Variants in OTOGL observed in about 807,000 individuals in gnomAD.
OTOGL encodes the protein otogelin-like protein.
A neutral mutation model predicts 318.5 loss-of-function variants in OTOGL; 285 were observed. The ratio of observed to expected loss-of-function variants is 0.89; its 90% CI spans 0.81 to 0.99. The LOEUF is 0.99. OTOGL is among the 50% of genes least tolerant of loss of function. The pLI, the probability that OTOGL is intolerant of heterozygous loss-of-function variation, is 0.00. For synonymous variants in OTOGL, 987 were observed against 936.5 expected, an observed-to-expected ratio of 1.05 and a Z score of -0.99; for missense variants, 2,899 against 2,845.6, an observed-to-expected ratio of 1.02 and a Z score of -0.43.
chr12:80,225,232 A>G (rs1878722402), intron 7 of OTOGL, among the ~76,000 whole-genome samples: 1 of 151,966 alleles, frequency 6.6e-6, no homozygotes, highest in African/African-American at 2.4e-5. Flanking sequence ...CTCATTGTCT[A>G]CTACTCCCCC....
chr12:80,154,708 GC>G (rs1288884771), intron 1 of OTOGL, among the ~76,000 whole-genome samples: 2 of 152,126 alleles, frequency 1.3e-5, no homozygotes, highest in Admixed American at 1.3e-4. Context: ...TATCTTAATT[GC>G]TTCCAGGTTT....
chr12:80,249,819 TCC>T (rs1881330970), intron 11 of OTOGL, among the ~76,000 whole-genome samples: 1 of 151,994 alleles, frequency 6.6e-6, no homozygotes, highest in Non-Finnish European at 1.5e-5. Flanking sequence ...TCAGTGAGAC[TCC>T]GTGGGCGTAG....
At chr12:80,370,276 A>C (rs1444726365) in intron 55 of OTOGL, among the ~76,000 whole-genome samples, 1 of 151,834 alleles carries the variant, frequency 6.6e-6, no homozygotes, top group African/African-American at 2.4e-5. Context: ...TTGCTTCTTC[A>C]CTCTCTATTG....
chr12:80,211,927 A>G (rs898742565), intron 3 of OTOGL, 22 bp from the exon 4 acceptor site: 1 of 1,547,960 alleles, frequency 6.5e-7, no homozygotes, highest in Non-Finnish European at 8.7e-7. Flanking sequence ...TGACTGTACA[A>G]GTTCTTTTTG....
Position 80,353,372 on chromosome 12 carries a change from T to A in OTOGL, c.5455T>A (p.Cys1819Ser), listed in dbSNP as rs764333433. 1 of 1,601,178 alleles carries A rather than the reference T, an allele frequency of 6.2e-7. No individual in the cohort carries two copies. The highest frequency in any genetic ancestry group is 1.1e-5 in the South Asian group (1 of 87,988). ...GGAATATCAACCCTGTGTGCGACCT[T>A]GTGAAGCAAGAACATGCCTGAACCA... ...GKEYQPCVRP[C>S]EARTCLNQWF... The change falls in exon 46 of 59, where the codon TGT becomes AGT. Residue 1819 changes from cysteine to serine, a missense_variant. Coordinates refer to ENST00000547103, the MANE Select transcript of OTOGL (RefSeq NM_001378609.3).
At chr12:80,367,011 C>T (rs1890582657) in intron 53 of OTOGL, among the ~76,000 whole-genome samples, 1 of 151,892 alleles carries the variant, frequency 6.6e-6, no homozygotes, top group African/African-American at 2.4e-5. Flanking sequence ...CAGAGTTGCT[C>T]TGTTACCCAG....
chr12:80,201,628 C>T (rs1159710641), intron 1 of OTOGL, among the ~76,000 whole-genome samples: 1 of 152,098 alleles, frequency 6.6e-6, no homozygotes, highest in Non-Finnish European at 1.5e-5. Flanking sequence ...CCACATGTTT[C>T]CTCATTCTCT....
intron 6 of OTOGL, among the ~76,000 whole-genome samples, chr12:80,220,187 T>C (rs1347257094): frequency 6.6e-6 from 1 of 151,960 alleles, no homozygotes; most frequent in African/African-American, 2.4e-5. Context: ...TGAGACAGAG[T>C]CTCACTCTGT....
At chr12:80,302,549 T>C in intron 27 of OTOGL, 85 bp from the exon 28 acceptor site, 1 of 912,234 alleles carries the variant, frequency 1.1e-6, no homozygotes, top group Non-Finnish European at 1.5e-6. Flanking sequence ...AAATAGTTGT[T>C]GGTAAATGTT....
intron 1 of OTOGL, among the ~76,000 whole-genome samples, chr12:80,186,346 G>A (rs1178508629): frequency 6.6e-6 from 1 of 151,936 alleles, no homozygotes; most frequent in Non-Finnish European, 1.5e-5. Context: ...CTCCCATCAG[G>A]TGTCATCTTC....
At chr12:80,266,765 G>A in intron 21 of OTOGL, 149 bp downstream of exon 21, 1 of 817,968 alleles carries the variant, frequency 1.2e-6, no homozygotes, top group East Asian at 2.8e-5. Context: ...TTCATCAACA[G>A]TTACAGAAAT....
intron 1 of OTOGL, among the ~76,000 whole-genome samples, chr12:80,149,316 T>G (rs1313103260): frequency 6.6e-6 from 1 of 151,396 alleles, no homozygotes; most frequent in Non-Finnish European, 1.5e-5. Flanking sequence ...CCCTGCGGTG[T>G]GAGGTGTCAG....
At chr12:80,140,255 C>T (rs1871847925) in intron 1 of OTOGL, among the ~76,000 whole-genome samples, 1 of 152,110 alleles carries the variant, frequency 6.6e-6, no homozygotes, top group Non-Finnish European at 1.5e-5. Context: ...TTTCGTTTTA[C>T]CAACAACCGC....
intron 1 of OTOGL, among the ~76,000 whole-genome samples, chr12:80,202,270 A>ATTT (rs55860009): frequency 8.2e-6 from 1 of 121,928 alleles, no homozygotes; most frequent in Non-Finnish European, 1.8e-5. Flanking sequence ...CTTTTCTTTA[A>ATTT]TTTTTTTTTT....
At chr12:80,343,414 A>T (rs539363498) in intron 44 of OTOGL, 2 of 151,658 alleles carry the variant, frequency 1.3e-5, no homozygotes, top group East Asian at 3.9e-4. Context: ...TACTTATAAT[A>T]CCTAATGCAA....
intron 1 of OTOGL, among the ~76,000 whole-genome samples, chr12:80,104,957 G>T (rs958623817): frequency 6.6e-6 from 1 of 152,142 alleles, no homozygotes; most frequent in South Asian, 2.1e-4. Context: ...TTAGCCAGAC[G>T]TGGTGGTGCA....
chr12:80,168,392 T>C (rs974102433), intron 1 of OTOGL, among the ~76,000 whole-genome samples: 1 of 152,288 alleles, frequency 6.6e-6, no homozygotes, highest in African/African-American at 2.4e-5. Flanking sequence ...TTTGTCCACG[T>C]ATAGTTCAAC....
intron 8 of OTOGL, among the ~76,000 whole-genome samples, chr12:80,231,207 TAAAAC>T (rs1300707382): frequency 2.0e-5 from 3 of 152,188 alleles, no homozygotes; most frequent in Non-Finnish European, 4.4e-5. Context: ...CTTAGAAACT[TAAAAC>T]AATTGGTATT....
chr12:80,323,001 G>A (rs1887435509), intron 34 of OTOGL, among the ~76,000 whole-genome samples: 2 of 151,664 alleles, frequency 1.3e-5, no homozygotes, highest in South Asian at 2.1e-4. Context: ...GGTTGTTGCA[G>A]GATAAAATAG....
Sources: gnomAD v4.1 joint callset for allele counts (sites outside exome capture counted in the v4.1 genomes callset) on GRCh38, gnomAD v4.1.1 for gene constraint, MANE v1.5 for transcripts, NCBI Gene and HGNC (gene_info 2026-07-23, HGNC 2026-07-21) for gene names.